The following DLG2 variants were observed in gnomAD, a reference collection of about 807,000 sequenced individuals.
DLG2 encodes discs large MAGUK scaffold protein 2.
DLG2 carries 45 observed loss-of-function variants against 132.5 expected under a neutral mutation model. That is an observed-to-expected ratio of 0.34 (90% CI 0.27 to 0.44). The LOEUF (loss-of-function observed/expected upper bound fraction) is 0.44, where lower values mean the gene tolerates loss of function less well. DLG2 is among the 20% of genes least tolerant of loss of function. DLG2 has a pLI of 1.00. For missense variants in DLG2, 1,045 were observed against 1,196.9 expected, an observed-to-expected ratio of 0.87 and a Z score of 1.87; for synonymous variants, 424 against 419.6, an observed-to-expected ratio of 1.01 and a Z score of -0.13.
intron 6 of DLG2, among the ~76,000 whole-genome samples, chr11:84,985,631 G>A (rs774076597): frequency 2.6e-5 from 4 of 152,094 alleles, no homozygotes; most frequent in African/African-American, 4.8e-5. Context: ...ACCAAGATCC[G>A]AGCAGAACTA....
intron 7 of DLG2, among the ~76,000 whole-genome samples, chr11:84,507,514 T>C (rs1190851185): frequency 6.6e-6 from 1 of 152,190 alleles, no homozygotes; most frequent in Non-Finnish European, 1.5e-5. Context: ...TACTAGATGC[T>C]GATAAATAAA....
intron 6 of DLG2, among the ~76,000 whole-genome samples, chr11:84,607,187 G>T (rs1364052626): frequency 6.6e-6 from 1 of 152,044 alleles, no homozygotes; most frequent in Non-Finnish European, 1.5e-5. Context: ...AAGAGAAAGG[G>T]ATCTAAAATT....
At chr11:85,293,035 A>G (rs1333677378) in intron 3 of DLG2, among the ~76,000 whole-genome samples, 1 of 152,134 alleles carries the variant, frequency 6.6e-6, no homozygotes, top group East Asian at 1.9e-4. Flanking sequence ...AAATAAATTA[A>G]TAGTCATGGG....
At chr11:84,896,866 C>A (rs1239550062) in intron 6 of DLG2, among the ~76,000 whole-genome samples, 1 of 151,300 alleles carries the variant, frequency 6.6e-6, no homozygotes, top group African/African-American at 2.4e-5. Context: ...TGTATGTATG[C>A]ATAGCTGGAA....
Position 84,413,490 on chromosome 11 carries a change from G to A in DLG2, c.519+121080C>T, listed in dbSNP as rs139033565. Among the ~76,000 whole-genome samples, 335 of 152,296 alleles carry A rather than the reference G, an allele frequency of 2.2e-3. 1 individual carries two copies. The highest frequency in any genetic ancestry group is 0.01 in the Middle Eastern group (3 of 294). On this transcript the variant is annotated intron_variant, in intron 7 of 27. Transcript: ENST00000376104. ...AGACAACACTTTTGTGGTAGCACAA[G>A]GGTAGATACCAAAGAGATCCAGAAA... is the stretch of plus-strand genomic sequence containing the variant.
At chr11:84,560,974 T>C (rs978847128) in intron 6 of DLG2, among the ~76,000 whole-genome samples, 3 of 152,098 alleles carry the variant, frequency 2.0e-5, no homozygotes, top group Non-Finnish European at 2.9e-5. Context: ...CAATAATCAA[T>C]GAAATAATTT....
intron 8 of DLG2, among the ~76,000 whole-genome samples, chr11:84,209,010 T>G (rs1283339986): frequency 6.6e-6 from 1 of 152,182 alleles, no homozygotes; most frequent in African/African-American, 2.4e-5. Flanking sequence ...GATTTAAAAA[T>G]TATAGATATA....
chr11:85,191,394 AAC>A (rs140066136), intron 4 of DLG2, among the ~76,000 whole-genome samples: 1 of 145,650 alleles, frequency 6.9e-6, no homozygotes, highest in Non-Finnish European at 1.5e-5. Flanking sequence ...CACCCCCACC[AAC>A]ACACACACAC....
chr11:84,054,488 G>A (rs2096462845), intron 11 of DLG2, among the ~76,000 whole-genome samples: 1 of 151,944 alleles, frequency 6.6e-6, no homozygotes, highest in Non-Finnish European at 1.5e-5. Context: ...CACCCCAGGT[G>A]CTTACAATGA....
intron 3 of DLG2, among the ~76,000 whole-genome samples, chr11:85,287,045 G>C (rs1013111744): frequency 6.6e-6 from 1 of 152,022 alleles, no homozygotes; most frequent in Non-Finnish European, 1.5e-5. Context: ...ATAAAATAAA[G>C]GGATGAGTAG....
chr11:83,468,106 CTT>C (rs2091464343), intron 25 of DLG2, among the ~76,000 whole-genome samples: 1 of 151,826 alleles, frequency 6.6e-6, no homozygotes, highest in Non-Finnish European at 1.5e-5. Flanking sequence ...GCTAGAATAA[CTT>C]TATGCAAGAA....
chr11:83,817,750 T>C (rs1433232503), intron 17 of DLG2, among the ~76,000 whole-genome samples: 1 of 151,946 alleles, frequency 6.6e-6, no homozygotes, highest in Non-Finnish European at 1.5e-5. Context: ...GTGATGCATG[T>C]TCATAGTCCT....
chr11:84,260,186 G>T (rs1234213247), intron 7 of DLG2, among the ~76,000 whole-genome samples: 1 of 152,098 alleles, frequency 6.6e-6, no homozygotes, highest in Admixed American at 6.6e-5. Flanking sequence ...GGAGAATGAA[G>T]CACAGAAAGT....
At chr11:85,067,152 C>G (rs1412992029) in intron 6 of DLG2, among the ~76,000 whole-genome samples, 2 of 151,852 alleles carry the variant, frequency 1.3e-5, no homozygotes, top group African/African-American at 2.4e-5. Context: ...ATAGTATTCT[C>G]TGATGGTAGT....
At chr11:85,105,670 C>A (rs1316106203) in intron 6 of DLG2, among the ~76,000 whole-genome samples, 2 of 151,940 alleles carry the variant, frequency 1.3e-5, no homozygotes, top group East Asian at 1.9e-4. Flanking sequence ...CTATGATTAT[C>A]TGATAATATC....
intron 10 of DLG2, among the ~76,000 whole-genome samples, chr11:84,081,592 T>C (rs2096904666): frequency 6.6e-6 from 1 of 152,216 alleles, no homozygotes; most frequent in South Asian, 2.1e-4. Flanking sequence ...TTTGTGTCCT[T>C]GTGATAGTTT....
rs112557538 is a variant in DLG2, at chr11:85,195,584, C to T, written c.187-40933G>A. ...TGTGGCCCAGGCGGGAGTGCAGTGG[C>T]GCAATCTCGGCTCACTGCAAGCTCC... On this transcript the variant is annotated intron_variant, in intron 4 of 27. Transcript: ENST00000376104. 2.9e-3 allele frequency among the ~76,000 whole-genome samples: 412 copies of T among 142,568 alleles called. 4 individuals are homozygous for T. The highest frequency in any genetic ancestry group is 9.7e-3 in the African/African-American group (370 of 38,242). 93.5% of individuals were successfully genotyped at this position (142,568 alleles called of 152,430 possible).
rs963352523 is a variant in DLG2, at chr11:85,623,006, C to T, written c.-93+3581G>A. Among the ~76,000 whole-genome samples the T allele has an allele frequency of 4.0e-5, 6 of 150,048 alleles. No individual in the cohort carries two copies. The East Asian group carries it at 9.8e-4, about 25-fold the overall frequency. ...CCCGGAGGCGGAGGTTCCAGTGAGC[C>T]GAGATCACACTACTGCACTCCCACC... On this transcript the variant is annotated intron_variant, in intron 2 of 27. Coordinates refer to ENST00000376104, the MANE Select transcript of DLG2 (RefSeq NM_001142699.3).
At chr11:84,235,651 T>C (rs2097148939) in intron 8 of DLG2, among the ~76,000 whole-genome samples, 1 of 152,240 alleles carries the variant, frequency 6.6e-6, no homozygotes, top group Non-Finnish European at 1.5e-5. Context: ...TTGTAGCACT[T>C]CAACCTTTTA....
Sources: gnomAD v4.1 joint callset for allele counts (sites outside exome capture counted in the v4.1 genomes callset) on GRCh38, gnomAD v4.1.1 for gene constraint, MANE v1.5 for transcripts, NCBI Gene and HGNC (gene_info 2026-07-23, HGNC 2026-07-21) for gene names.